CFAP221: variants seen among roughly 807,000 people sequenced by gnomAD.
CFAP221 encodes the protein cilia- and flagella-associated protein 221.
CFAP221 carries 97 observed loss-of-function variants against 113.1 expected under a neutral mutation model. The observed-to-expected ratio is 0.86, with a 90% CI of 0.73 to 1.02. The LOEUF (loss-of-function observed/expected upper bound fraction) is 1.02. Among genes scored for constraint, CFAP221 ranks in the 50% least tolerant of loss-of-function variants. The pLI, the probability that CFAP221 is intolerant of heterozygous loss-of-function variation, is 0.00. For synonymous variants in CFAP221, 331 were observed against 354.4 expected, an observed-to-expected ratio of 0.93 and a Z score of 0.74; for missense variants, 1,025 against 1,013.4, an observed-to-expected ratio of 1.01 and a Z score of -0.16.
At chr2:119,559,013 A>G (rs1681028693) in intron 3 of CFAP221, among the ~76,000 whole-genome samples, 1 of 152,196 alleles carries the variant, frequency 6.6e-6, no homozygotes, top group South Asian at 2.1e-4. Context: ...AGGTCTCTTA[A>G]CCTTCTCCTG....
In CFAP221 at chr2:119,628,663, A is replaced by T. The variant is rs560284159; in HGVS notation, c.1650+877A>T. 7.2e-5 allele frequency among the ~76,000 whole-genome samples: 11 copies of T among 152,376 alleles called. No homozygotes were observed. The East Asian group carries it at 1.3e-3, about 19-fold the overall frequency. On this transcript the variant is annotated intron_variant, in intron 16 of 23. Coordinates refer to ENST00000413369, the MANE Select transcript of CFAP221 (RefSeq NM_001271049.2). ...AATATTTTGTCAATTTCAAAGAATA[A>T]ACTTGTCATTCACATTCTAAAATAT...
intron 3 of CFAP221, 103 bp downstream of exon 3, chr2:119,549,288 A>G (rs936302283): frequency 4.5e-6 from 4 of 893,152 alleles, no homozygotes; most frequent in African/African-American, 1.7e-5. Context: ...AATCAGCCGT[A>G]GTGCAAGAGT....
At chr2:119,586,107 G>A (rs1415928837) in intron 6 of CFAP221, among the ~76,000 whole-genome samples, 2 of 152,152 alleles carry the variant, frequency 1.3e-5, no homozygotes, top group South Asian at 2.1e-4. Flanking sequence ...GGCTGTGATG[G>A]GGTGAGGGCT....
At chr2:119,569,319 C>T (rs938085812) in intron 6 of CFAP221, among the ~76,000 whole-genome samples, 2 of 151,890 alleles carry the variant, frequency 1.3e-5, no homozygotes, top group African/African-American at 4.8e-5. Flanking sequence ...GGGGTTTCAC[C>T]GTGTTAGCCA....
At chr2:119,631,793 G>A (rs547020359) in intron 19 of CFAP221, among the ~76,000 whole-genome samples, 12 of 152,170 alleles carry the variant, frequency 7.9e-5, no homozygotes, top group African/African-American at 2.9e-4. Flanking sequence ...AAGGCAAAAG[G>A]CACAAATTAC....
chr2:119,643,051 A>G (rs1184489670), intron 21 of CFAP221, among the ~76,000 whole-genome samples: 1 of 152,132 alleles, frequency 6.6e-6, no homozygotes, highest in Non-Finnish European at 1.5e-5. Flanking sequence ...TCGGCCTCCC[A>G]AAGTGTTGGG....
At chr2:119,614,779 A>G (rs1356386354) in intron 13 of CFAP221, among the ~76,000 whole-genome samples, 1 of 152,232 alleles carries the variant, frequency 6.6e-6, no homozygotes, top group Non-Finnish European at 1.5e-5. Flanking sequence ...TTCAACGATG[A>G]TAAAATTCTA....
chr2:119,644,270 C>A (rs1351082049), intron 21 of CFAP221, among the ~76,000 whole-genome samples: 3 of 152,108 alleles, frequency 2.0e-5, no homozygotes, highest in Admixed American at 1.3e-4. Flanking sequence ...TTAACACACA[C>A]AAAAAAAGTG....
At chr2:119,642,598 G>A (rs907862377) in intron 21 of CFAP221, among the ~76,000 whole-genome samples, 1 of 135,984 alleles carries the variant, frequency 7.4e-6, no homozygotes, top group African/African-American at 2.7e-5. Flanking sequence ...GAGTGCAGTG[G>A]CATAATCATA....
chr2:119,617,184 G>T (rs1036966271), intron 14 of CFAP221, among the ~76,000 whole-genome samples: 2 of 152,222 alleles, frequency 1.3e-5, no homozygotes, highest in Admixed American at 1.3e-4. Context: ...AGTCTTCTCA[G>T]CCTGGACTTG....
chr2:119,645,508 A>G (rs574276844), intron 21 of CFAP221, among the ~76,000 whole-genome samples: 102 of 150,776 alleles, frequency 6.8e-4, no homozygotes, highest in African/African-American at 2.4e-3. Flanking sequence ...TTCACTTACT[A>G]TCTCCAGAAA....
Position 119,654,552 on chromosome 2 carries a change from G to T in CFAP221, c.2415-1810G>T, listed in dbSNP as rs552855194. 3.3e-5 allele frequency among the ~76,000 whole-genome samples: 5 copies of T among 152,008 alleles called. No homozygotes were observed. In the South Asian group the frequency reaches 1.0e-3, roughly 32 times the overall value. Reference sequence around the variant, plus strand: ...ATGGAGCTAATGTTGAATGGCATTTGGTTATCAAATTATCATTAAACGAAA... The same window carrying T: ...ATGGAGCTAATGTTGAATGGCATTTTGTTATCAAATTATCATTAAACGAAA... On this transcript the variant is annotated intron_variant, in intron 23 of 23. Coordinates refer to ENST00000413369, the MANE Select transcript of CFAP221 (RefSeq NM_001271049.2).
intron 12 of CFAP221, among the ~76,000 whole-genome samples, chr2:119,608,823 A>G (rs1684953896): frequency 6.6e-6 from 1 of 152,182 alleles, no homozygotes; most frequent in Non-Finnish European, 1.5e-5. Flanking sequence ...TCTGATTGGA[A>G]TGCTTCCTGG....
In CFAP221 at chr2:119,608,521, G is replaced by T. The variant is rs141884466; in HGVS notation, c.1153G>T (p.Asp385Tyr). Residue 385 changes from aspartate (D) to tyrosine (Y), a missense_variant, in exon 12 of 24, where the codon GAT becomes TAT. Asp to Tyr is a radical substitution (Grantham distance 160). Transcript: ENST00000413369. ...HLKWQVHLGK[D>Y]PMSFKLKKEL... ...CCCCAGGCAGGTGCACCTTGGTAAA[G>T]ATCCTATGTCTTTTAAACTTAAAAA... is the stretch of plus-strand genomic sequence containing the variant. 1 of 1,607,556 alleles carries T rather than the reference G, an allele frequency of 6.2e-7. No homozygotes were observed. The highest frequency in any genetic ancestry group is 8.5e-7 in the Non-Finnish European group (1 of 1,176,916).
intron 3 of CFAP221, among the ~76,000 whole-genome samples, chr2:119,554,573 C>T (rs1420529894): frequency 6.6e-6 from 1 of 152,164 alleles, no homozygotes; most frequent in Admixed American, 6.5e-5. Context: ...TTTGTTTTTA[C>T]ATCAGTTTAC....
At chr2:119,592,573 C>T (rs181376783) in intron 7 of CFAP221, among the ~76,000 whole-genome samples, 5 of 152,334 alleles carry the variant, frequency 3.3e-5, no homozygotes, top group Non-Finnish European at 7.3e-5. Flanking sequence ...GATTTCACCT[C>T]TGTTCTTTAT....
chr2:119,627,652 G>A lies in CFAP221; in HGVS notation c.1517-1G>A. On this transcript the variant is annotated splice_acceptor_variant, in intron 15 of 23. Transcript: ENST00000413369. LOFTEE classifies it high-confidence loss of function. ...AAAAGTGCCCTTTTTTTCACCCATA[G>A]AGGCGAATTTCTTCAAATTCTTCCT... The A allele has an allele frequency of 6.2e-7, 1 of 1,612,240 alleles. No individual in the cohort carries two copies. The highest frequency in any genetic ancestry group is 1.7e-5 in the Admixed American group (1 of 59,792).
chr2:119,621,147 C>A (rs1312328948), intron 14 of CFAP221, among the ~76,000 whole-genome samples: 13 of 151,832 alleles, frequency 8.6e-5, no homozygotes, highest in African/African-American at 2.9e-4. Context: ...ATCGCTTGAA[C>A]CCGGGAGGCG....
In CFAP221 at chr2:119,630,758, C is replaced by T. The variant is rs770276280; in HGVS notation, c.1840-9C>T. Reference sequence around the variant, plus strand: ...TCAAAACTAACGTGCTGTCCTTGCTCCTTGTTAGGATGAAGTCACCACCAT... The same window carrying T: ...TCAAAACTAACGTGCTGTCCTTGCTTCTTGTTAGGATGAAGTCACCACCAT... On this transcript the variant is annotated splice_polypyrimidine_tract_variant and intron_variant, in intron 18 of 23. Transcript: ENST00000413369. 2 of 1,609,738 alleles carry T rather than the reference C, an allele frequency of 1.2e-6. No homozygotes were observed. The highest frequency in any genetic ancestry group is 1.7e-6 in the Non-Finnish European group (2 of 1,176,282).
Sources: allele counts gnomAD v4.1 joint callset (sites outside exome capture counted in the v4.1 genomes callset), GRCh38; gene constraint gnomAD v4.1.1; transcripts MANE v1.5; gene names NCBI Gene and HGNC (gene_info 2026-07-23, HGNC 2026-07-21).